KDM4B: variants seen among roughly 807,000 people sequenced by gnomAD.
The protein encoded by KDM4B is lysine demethylase 4B, also known as lysine-specific demethylase 4B.
KDM4B carries 32 observed loss-of-function variants against 125.2 expected under a neutral mutation model. The observed-to-expected ratio is 0.26, with a 90% CI of 0.19 to 0.34. KDM4B has a LOEUF of 0.34. Among genes scored for constraint, KDM4B ranks in the 10% least tolerant of loss-of-function variants. The pLI, the probability that KDM4B is intolerant of heterozygous loss-of-function variation, is 1.00. For missense variants in KDM4B, 1,190 were observed against 1,577.7 expected (o/e 0.75, Z 4.16); for synonymous variants, 721 against 677.9 (o/e 1.06, Z -0.99).
intron 9 of KDM4B, among the ~76,000 whole-genome samples, chr19:5,103,212 C>T (rs915579312): frequency 2.0e-5 from 3 of 152,352 alleles, no homozygotes; most frequent in Middle Eastern, 3.4e-3. Flanking sequence ...CCCCTTCCCC[C>T]GCTCTCTGCA....
At chr19:5,135,278 GCCGC>G (rs1450771903) in intron 14 of KDM4B, 57 bp from the exon 15 acceptor site, 3 of 1,218,164 alleles carry the variant, frequency 2.5e-6, no homozygotes, top group Non-Finnish European at 3.6e-6. Context: ...AGAGGTCCGC[GCCGC>G]CCGCCCGCCT....
intron 2 of KDM4B, among the ~76,000 whole-genome samples, chr19:5,018,626 G>A (rs2035964778): frequency 6.6e-6 from 1 of 152,202 alleles, no homozygotes; most frequent in African/African-American, 2.4e-5. Flanking sequence ...TTTGGAGGTC[G>A]TTGGTGCACT....
rs543982301 is a variant in KDM4B at position 4,973,388 on chromosome 19, C to T, written c.-109+4158C>T. Among the ~76,000 whole-genome samples the T allele has an allele frequency of 3.3e-5, 5 of 152,176 alleles. No individual in the cohort carries two copies. The South Asian group carries it at 8.3e-4, about 25-fold the overall frequency. ...ATTTTTAGTAGACACGGGGTTTCACCATGTTGACCAGGCTGGTCTCAAACT... is the reference window on the plus strand; with the variant it reads ...ATTTTTAGTAGACACGGGGTTTCACTATGTTGACCAGGCTGGTCTCAAACT... On this transcript the variant is annotated intron_variant, in intron 1 of 22. Coordinates refer to ENST00000159111, the MANE Select transcript of KDM4B (RefSeq NM_015015.3).
intron 2 of KDM4B, among the ~76,000 whole-genome samples, chr19:5,018,833 G>A (rs1181826997): frequency 6.6e-6 from 1 of 152,200 alleles, no homozygotes; most frequent in Non-Finnish European, 1.5e-5. Context: ...TTTGTGCCTG[G>A]AGTCTCTCAC....
intron 9 of KDM4B, among the ~76,000 whole-genome samples, chr19:5,105,685 C>T (rs1236551818): frequency 6.6e-6 from 1 of 152,246 alleles, no homozygotes; most frequent in Non-Finnish European, 1.5e-5. Context: ...GATCCTCCTG[C>T]CTCAGCCTCC....
intron 18 of KDM4B, among the ~76,000 whole-genome samples, chr19:5,143,462 C>A (rs1194071784): frequency 6.6e-6 from 1 of 152,208 alleles, no homozygotes; most frequent in Non-Finnish European, 1.5e-5. Flanking sequence ...GCCCCATTAC[C>A]AGTCGCTCCC....
intron 11 of KDM4B, among the ~76,000 whole-genome samples, chr19:5,124,272 G>C (rs1474258226): frequency 6.6e-6 from 1 of 151,704 alleles, no homozygotes; most frequent in Non-Finnish European, 1.5e-5. Flanking sequence ...AGAGATAAGA[G>C]GACACGCATC....
At chr19:5,021,619 G>A (rs1449684664) in intron 2 of KDM4B, among the ~76,000 whole-genome samples, 1 of 149,776 alleles carries the variant, frequency 6.7e-6, no homozygotes, top group Non-Finnish European at 1.5e-5. Context: ...AGTAGATAGA[G>A]TGCAGGCCTG....
chr19:5,043,078 T>A (rs931289694), intron 5 of KDM4B, among the ~76,000 whole-genome samples: 1 of 151,238 alleles, frequency 6.6e-6, no homozygotes, highest in Non-Finnish European at 1.5e-5. Context: ...GGGTTTTGGA[T>A]TTTTGGAGCG....
chr19:5,106,309 G>T (rs991445508), intron 9 of KDM4B, among the ~76,000 whole-genome samples: 3 of 152,206 alleles, frequency 2.0e-5, no homozygotes, highest in Non-Finnish European at 4.4e-5. Context: ...CAAAAGCAAA[G>T]GACATCTTTG....
chr19:5,080,411 C>T (rs1313699869), intron 8 of KDM4B, among the ~76,000 whole-genome samples: 3 of 152,192 alleles, frequency 2.0e-5, no homozygotes, highest in South Asian at 2.1e-4. Flanking sequence ...ATGAATTCGG[C>T]GTGAGGGGCT....
rs1441239743 is a variant in KDM4B at position 4,997,263 on chromosome 19, G to A, written c.-108-18994G>A. 2.6e-5 allele frequency among the ~76,000 whole-genome samples: 4 copies of A among 151,992 alleles called. No individual in the cohort carries two copies. Among genetic ancestry groups the A allele is most frequent in the Admixed American group, 1.3e-4 (2 of 15,264 alleles). ...TTATCTTTAGTTTTATTTTTGGTGC[G>A]TTGTTACATAGGATGTTTTCAAGTT... On this transcript the variant is annotated intron_variant, in intron 1 of 22. Coordinates refer to ENST00000159111, the MANE Select transcript of KDM4B (RefSeq NM_015015.3). The surrounding 1 kb of genome is among the most constrained non-coding windows in gnomAD (Gnocchi z 4.2).
At chr19:5,145,410 G>C (rs1490966804) in intron 21 of KDM4B, among the ~76,000 whole-genome samples, 1 of 151,828 alleles carries the variant, frequency 6.6e-6, no homozygotes, top group Admixed American at 6.6e-5. Flanking sequence ...GTGAAACCCT[G>C]TCTCTACTAA....
chr19:5,055,884 G>A (rs753744240), intron 6 of KDM4B, among the ~76,000 whole-genome samples: 16 of 152,178 alleles, frequency 1.1e-4, no homozygotes, highest in Non-Finnish European at 2.1e-4. Flanking sequence ...TCCCTGTTAT[G>A]AGCATTCTAT....
intron 18 of KDM4B, among the ~76,000 whole-genome samples, chr19:5,139,130 C>T (rs1390753532): frequency 6.6e-6 from 1 of 152,150 alleles, no homozygotes; most frequent in Non-Finnish European, 1.5e-5. Context: ...CACTATGTTG[C>T]CCAGGCTGGT....
intron 11 of KDM4B, among the ~76,000 whole-genome samples, chr19:5,125,379 C>T (rs144582233): frequency 6.6e-6 from 1 of 152,290 alleles, no homozygotes; most frequent in Non-Finnish European, 1.5e-5. Context: ...CTCCCCTCCC[C>T]ATGCGTGGTC....
intron 5 of KDM4B, among the ~76,000 whole-genome samples, chr19:5,045,926 T>C (rs561815064): frequency 6.6e-6 from 1 of 152,380 alleles, no homozygotes; most frequent in East Asian, 1.9e-4. Flanking sequence ...TTCTGTTTTT[T>C]AACCATGCTG....
At chr19:5,111,442 G>C in intron 10 of KDM4B, 2 of 765,308 alleles carry the variant, frequency 2.6e-6, no homozygotes, top group East Asian at 2.4e-5. Context: ...TGGAGGAGAG[G>C]CCAAAGCATC....
chr19:5,119,730 C>A lies in KDM4B; in HGVS notation c.1193C>A (p.Ala398Glu), dbSNP rs1314532443. 6.4e-7 allele frequency: 1 copy of A among 1,550,892 alleles called. No homozygotes were observed. Among genetic ancestry groups the A allele is most frequent in the South Asian group, 1.2e-5 (1 of 84,116 alleles). Residue 398 changes from alanine (A) to glutamate (E), a missense_variant, in exon 11 of 23, where the codon GCA becomes GAA. By Grantham distance (107) the Ala-to-Glu change is moderately radical. Transcript: ENST00000159111. Reference protein sequence around the residue: ...PKFPGEGTAGAALLEEAGGSV... With the variant: ...PKFPGEGTAGEALLEEAGGSV... ...TTCCCTGGGGAGGGTACGGCTGGGG[C>A]AGCGCTCCTAGAGGAGGCTGGGGGC...
Sources: allele counts gnomAD v4.1 joint callset (sites outside exome capture counted in the v4.1 genomes callset), GRCh38; gene constraint gnomAD v4.1.1; non-coding constraint Gnocchi (gnomAD v3.1); transcripts MANE v1.5; gene names NCBI Gene and HGNC (gene_info 2026-07-23, HGNC 2026-07-21).